The following PLA2G4A variants were observed in gnomAD, a reference collection of about 807,000 sequenced individuals.
PLA2G4A encodes the protein cytosolic phospholipase A2.
Under a neutral mutation model 81.9 loss-of-function variants are expected in PLA2G4A, and 40 were observed. That is an observed-to-expected ratio of 0.49 (90% CI 0.38 to 0.64). PLA2G4A has a LOEUF of 0.64. PLA2G4A is among the 30% of genes least tolerant of loss of function. The pLI is 0.00. For missense variants in PLA2G4A, 715 were observed against 905.1 expected (o/e 0.79, Z 2.69); for synonymous variants, 302 against 296.9 (o/e 1.02, Z -0.18).
intron 7 of PLA2G4A, among the ~76,000 whole-genome samples, chr1:186,913,083 A>T (rs895136901): frequency 2.6e-4 from 25 of 97,686 alleles, no homozygotes; most frequent in African/African-American, 1.5e-3. Context: ...AAAATATTCC[A>T]AATTCTTTAT....
At chr1:186,905,365 T>C (rs913103665) in intron 5 of PLA2G4A, among the ~76,000 whole-genome samples, 1 of 151,144 alleles carries the variant, frequency 6.6e-6, no homozygotes, top group African/African-American at 2.4e-5. Flanking sequence ...ACATTAAATC[T>C]AGTATCATTT....
intron 4 of PLA2G4A, among the ~76,000 whole-genome samples, chr1:186,893,860 G>A (rs1280473349): frequency 6.7e-6 from 1 of 148,996 alleles, no homozygotes. Flanking sequence ...GGAGGTGGAG[G>A]TTGCAGTGAG....
intron 15 of PLA2G4A, among the ~76,000 whole-genome samples, chr1:186,966,620 T>C (rs138943149): frequency 6.6e-6 from 1 of 152,270 alleles, no homozygotes; most frequent in East Asian, 1.9e-4. Flanking sequence ...GAAAAGCTTC[T>C]GAATGTGGCA....
chr1:186,950,330 G>C (rs1186479282), intron 12 of PLA2G4A, among the ~76,000 whole-genome samples: 3 of 151,916 alleles, frequency 2.0e-5, no homozygotes, highest in African/African-American at 7.3e-5. Flanking sequence ...TAAAGAAAAA[G>C]GCATATTTTT....
At chr1:186,934,449 T>TATATATATATAC (rs1571416246) in intron 8 of PLA2G4A, among the ~76,000 whole-genome samples, 1 of 87,470 alleles carries the variant, frequency 1.1e-5, no homozygotes, top group East Asian at 3.9e-4. Flanking sequence ...TGCACATATA[T>TATATATATATAC]ATATATATAT....
chr1:186,872,281 G>C (rs553890392), intron 3 of PLA2G4A, among the ~76,000 whole-genome samples: 3 of 151,782 alleles, frequency 2.0e-5, no homozygotes, highest in Non-Finnish European at 4.4e-5. Flanking sequence ...TGAAAGAAAG[G>C]CCCCTGCGAA....
chr1:186,867,717 G>C (rs1428783415), intron 2 of PLA2G4A, among the ~76,000 whole-genome samples: 1 of 151,904 alleles, frequency 6.6e-6, no homozygotes, highest in Non-Finnish European at 1.5e-5. Flanking sequence ...GCATCAAATA[G>C]GACTTCCAGT....
At chr1:186,863,792 C>T (rs1309482341) in intron 2 of PLA2G4A, among the ~76,000 whole-genome samples, 2 of 149,930 alleles carry the variant, frequency 1.3e-5, no homozygotes, top group African/African-American at 2.5e-5. Context: ...ACAGAGTCTC[C>T]CTCTTTTGCC....
chr1:186,942,346 A>G (rs920620092), intron 10 of PLA2G4A, among the ~76,000 whole-genome samples: 1 of 152,220 alleles, frequency 6.6e-6, no homozygotes, highest in Non-Finnish European at 1.5e-5. Flanking sequence ...CAAATAAATC[A>G]TCCTTCACCC....
At chr1:186,903,404 C>CT (rs1489855087) in intron 5 of PLA2G4A, among the ~76,000 whole-genome samples, 2 of 152,268 alleles carry the variant, frequency 1.3e-5, no homozygotes, top group East Asian at 3.9e-4. Context: ...CTATATGCAT[C>CT]TTTTTTGTAA....
At chr1:186,883,571 C>T (rs983557742) in intron 3 of PLA2G4A, among the ~76,000 whole-genome samples, 12 of 152,094 alleles carry the variant, frequency 7.9e-5, no homozygotes, top group East Asian at 5.8e-4. Context: ...GGCCTCGCTT[C>T]CTTTTGAAGA....
intron 7 of PLA2G4A, among the ~76,000 whole-genome samples, chr1:186,928,447 C>T (rs1414807723): frequency 6.6e-6 from 1 of 152,108 alleles, no homozygotes; most frequent in African/African-American, 2.4e-5. Context: ...AAAGACTTGC[C>T]TCACTGAGCA....
At chr1:186,931,813 A>G (rs996684952) in intron 7 of PLA2G4A, among the ~76,000 whole-genome samples, 1 of 152,192 alleles carries the variant, frequency 6.6e-6, no homozygotes, top group African/African-American at 2.4e-5. Context: ...GACTGAGTGC[A>G]CTGTTTCTTC....
chr1:186,843,123 AAT>A (rs1199265598), intron 1 of PLA2G4A, among the ~76,000 whole-genome samples: 1 of 152,186 alleles, frequency 6.6e-6, no homozygotes, highest in Non-Finnish European at 1.5e-5. Flanking sequence ...CAGTTAAACA[AAT>A]TACTTACCTT....
intron 3 of PLA2G4A, among the ~76,000 whole-genome samples, chr1:186,879,678 C>T (rs113329037): frequency 1.3e-3 from 201 of 151,846 alleles, no homozygotes; most frequent in African/African-American, 4.3e-3. Context: ...GCATAGTATG[C>T]ACAATATAAG....
chr1:186,900,981 T>C (rs1654516739), intron 5 of PLA2G4A, among the ~76,000 whole-genome samples: 1 of 152,124 alleles, frequency 6.6e-6, no homozygotes. Flanking sequence ...GAAGAGATAG[T>C]GATAAAGCTG....
At chr1:186,902,718 C>T (rs573471670) in intron 5 of PLA2G4A, among the ~76,000 whole-genome samples, 14 of 151,968 alleles carry the variant, frequency 9.2e-5, no homozygotes, top group South Asian at 4.2e-4. Flanking sequence ...TTGTTACCCC[C>T]GCCCCTGCCC....
intron 7 of PLA2G4A, among the ~76,000 whole-genome samples, chr1:186,921,515 T>A (rs913462975): frequency 2.0e-5 from 3 of 152,138 alleles, no homozygotes; most frequent in African/African-American, 7.2e-5. Context: ...GTATATTGCT[T>A]CTCTCTCAGG....
At chr1:186,979,692 G>T (rs1466966534) in intron 17 of PLA2G4A, among the ~76,000 whole-genome samples, 1 of 152,102 alleles carries the variant, frequency 6.6e-6, no homozygotes, top group Non-Finnish European at 1.5e-5. Context: ...TTTATTGAAT[G>T]ATTGGTTAAT....
Sources: gnomAD v4.1 joint callset for allele counts (sites outside exome capture counted in the v4.1 genomes callset) on GRCh38, gnomAD v4.1.1 for gene constraint, MANE v1.5 for transcripts, NCBI Gene and HGNC (gene_info 2026-07-23, HGNC 2026-07-21) for gene names.